Variants in TPST1 observed in about 807,000 individuals in gnomAD.
The protein encoded by TPST1 is tyrosylprotein sulfotransferase 1.
A neutral mutation model predicts 34.8 loss-of-function variants in TPST1; 20 were observed. The observed-to-expected ratio is 0.57, with a 90% CI of 0.40 to 0.84. The LOEUF is 0.84. TPST1 is among the 40% of genes least tolerant of loss of function. The probability of loss-of-function intolerance (pLI) is 0.00; values close to 1 mark genes in which losing one functional copy is unlikely to be tolerated. For synonymous variants in TPST1, 152 were observed against 159.4 expected (o/e 0.95, Z 0.35); for missense variants, 353 against 455.5 (o/e 0.78, Z 2.05).
At chr7:66,232,805 A>G (rs1327693123) in intron 1 of TPST1, among the ~76,000 whole-genome samples, 4 of 152,194 alleles carry the variant, frequency 2.6e-5, no homozygotes, top group Non-Finnish European at 5.9e-5. Flanking sequence ...TGTGTTTTCT[A>G]AAGTGGTTGC....
chr7:66,245,952 A>G (rs182249599), intron 2 of TPST1, among the ~76,000 whole-genome samples: 1 of 151,868 alleles, frequency 6.6e-6, no homozygotes, highest in East Asian at 1.9e-4. Flanking sequence ...TATTTGTGAA[A>G]ACTTCTCCTT....
At chr7:66,261,994 T>A (rs1790498552) in intron 2 of TPST1, among the ~76,000 whole-genome samples, 1 of 152,112 alleles carries the variant, frequency 6.6e-6, no homozygotes, top group Non-Finnish European at 1.5e-5. Context: ...CTAGGTGGCA[T>A]ATGGGTGTGT....
rs149216883 is a variant in TPST1 at position 66,220,746 on chromosome 7, C to T, written c.-102+15224C>T. 1.0e-4 allele frequency among the ~76,000 whole-genome samples: 10 copies of T among 95,360 alleles called. No homozygotes were observed. In the East Asian group the frequency reaches 1.2e-3, roughly 11 times the overall value. The allele number at this position is 95,360 out of a possible 152,430, so 62.6% of individuals were successfully genotyped here. The stretch of plus-strand genomic sequence containing the variant: ...TGGGTCAGGAACGGCCTTGTACTAA[C>T]GTTATGGTGAGGACTTAATTTTTTT... On this transcript the variant is annotated intron_variant, in intron 1 of 5. Transcript: ENST00000304842.
intron 2 of TPST1, among the ~76,000 whole-genome samples, chr7:66,275,106 A>G (rs1391190602): frequency 1.3e-5 from 2 of 152,184 alleles, no homozygotes; most frequent in African/African-American, 2.4e-5. Flanking sequence ...AGGCAGGAGA[A>G]TGGCGTGAAC....
chr7:66,307,280 G>A (rs774596119), intron 3 of TPST1, among the ~76,000 whole-genome samples: 54 of 152,070 alleles, frequency 3.6e-4, no homozygotes, highest in Admixed American at 7.9e-4. Flanking sequence ...ACCACGCCCG[G>A]CTAGTTTTTT....
At position 66,328,906 on chromosome 7, in the gene TPST1, A is replaced by ATATATATTTTT. The variant is rs1299138303; in HGVS notation, c.1045-23598_1045-23597insATATATTTTTT. On this transcript the variant is annotated intron_variant, in intron 3 of 5. Coordinates refer to ENST00000304842, the MANE Select transcript of TPST1 (RefSeq NM_003596.4). ...TCTCTCTATATATATATATATATAT[A>ATATATATTTTT]TTTTTTTTTTTTTTTTTTTTTTTGA... 1.2e-3 allele frequency among the ~76,000 whole-genome samples: 16 copies of ATATATATTTTT among 13,156 alleles called. 1 individual carries two copies. The highest frequency in any genetic ancestry group is 6.2e-3 in the African/African-American group (11 of 1,772). The allele number at this position is 13,156 out of a possible 152,430, so 8.6% of individuals were successfully genotyped here.
At chr7:66,252,796 C>G (rs1297501242) in intron 2 of TPST1, among the ~76,000 whole-genome samples, 1 of 152,090 alleles carries the variant, frequency 6.6e-6, no homozygotes, top group East Asian at 1.9e-4. Flanking sequence ...CTTCCATACT[C>G]TGAGGTCATA....
chr7:66,259,792 C>T (rs901565175), intron 2 of TPST1, among the ~76,000 whole-genome samples: 1 of 152,096 alleles, frequency 6.6e-6, no homozygotes, highest in Non-Finnish European at 1.5e-5. Flanking sequence ...TTTACATTAA[C>T]GTTCACTCTT....
chr7:66,335,572 G>T (rs900015423), intron 3 of TPST1, among the ~76,000 whole-genome samples: 7 of 152,172 alleles, frequency 4.6e-5, no homozygotes, highest in African/African-American at 1.7e-4. Context: ...TTACCTTTCG[G>T]TGGTCACTAT....
intron 1 of TPST1, among the ~76,000 whole-genome samples, chr7:66,234,899 T>G (rs1416787172): frequency 6.6e-6 from 1 of 152,262 alleles, no homozygotes; most frequent in Admixed American, 6.5e-5. Flanking sequence ...GGTCTCGATC[T>G]CCTGACCTCA....
chr7:66,329,698 CA>C (rs1791958467), intron 3 of TPST1, among the ~76,000 whole-genome samples: 1 of 152,100 alleles, frequency 6.6e-6, no homozygotes, highest in Non-Finnish European at 1.5e-5. Flanking sequence ...ATGATGGCTC[CA>C]TAAAGATGTC....
At chr7:66,260,519 A>G (rs1790467615) in intron 2 of TPST1, among the ~76,000 whole-genome samples, 1 of 152,236 alleles carries the variant, frequency 6.6e-6, no homozygotes, top group African/African-American at 2.4e-5. Context: ...TAATTCTAAC[A>G]TCTGTGTTAT....
upstream of TPST1, among the ~76,000 whole-genome samples, chr7:66,201,300 T>C (rs537984448): frequency 6.6e-6 from 1 of 151,534 alleles, no homozygotes; most frequent in South Asian, 2.1e-4. Flanking sequence ...TCCCACCACT[T>C]TGGGAGGCCA....
chr7:66,308,635 G>A (rs553432549), intron 3 of TPST1, among the ~76,000 whole-genome samples: 1 of 152,308 alleles, frequency 6.6e-6, no homozygotes, highest in African/African-American at 2.4e-5. Context: ...GTTGGCTGCT[G>A]TGACTCAGAG....
intron 2 of TPST1, among the ~76,000 whole-genome samples, chr7:66,252,264 T>A (rs1790278652): frequency 6.6e-6 from 1 of 151,856 alleles, no homozygotes; most frequent in Non-Finnish European, 1.5e-5. Flanking sequence ...TTCACTGTGT[T>A]AATCAGGATG....
intron 2 of TPST1, among the ~76,000 whole-genome samples, chr7:66,282,417 T>A (rs1202391080): frequency 1.3e-5 from 2 of 152,192 alleles, no homozygotes; most frequent in Non-Finnish European, 2.9e-5. Context: ...ATGGCCATGG[T>A]TATGTTCTAG....
chr7:66,282,031 C>T (rs894373121), intron 2 of TPST1, among the ~76,000 whole-genome samples: 1 of 151,938 alleles, frequency 6.6e-6, no homozygotes, highest in Non-Finnish European at 1.5e-5. Context: ...GTGCATGGGC[C>T]GTGTGTATTG....
At chr7:66,352,975 CTT>C in intron 4 of TPST1, 1 of 985,318 alleles carries the variant, frequency 1.0e-6, no homozygotes. Context: ...GCCCAGATGA[CTT>C]ATATATACAC....
chr7:66,234,248 A>G (rs1406132998), intron 1 of TPST1, among the ~76,000 whole-genome samples: 1 of 152,152 alleles, frequency 6.6e-6, no homozygotes, highest in Non-Finnish European at 1.5e-5. Context: ...TCTTCCCTTC[A>G]CTAATTCCTA....
Sources: allele counts gnomAD v4.1 joint callset (sites outside exome capture counted in the v4.1 genomes callset), GRCh38; gene constraint gnomAD v4.1.1; transcripts MANE v1.5; gene names NCBI Gene and HGNC (gene_info 2026-07-23, HGNC 2026-07-21).